DCDC1: variants seen among roughly 807,000 people sequenced by gnomAD.
The protein encoded by DCDC1 is doublecortin domain containing 1, also known as doublecortin domain-containing protein 1.
A neutral mutation model predicts 178.3 loss-of-function variants in DCDC1; 200 were observed. That is an observed-to-expected ratio of 1.12 (90% CI 1.00 to 1.26). DCDC1 has a LOEUF of 1.26. Among genes scored for constraint, DCDC1 ranks in the 50% most tolerant of loss-of-function variants. The pLI is 0.00. For synonymous variants in DCDC1, 690 were observed against 604.8 expected (o/e 1.14, Z -2.07); for missense variants, 1,983 against 1,749.2 (o/e 1.13, Z -2.38).
chr11:31,002,697 C>G (rs1275466709), intron 20 of DCDC1, among the ~76,000 whole-genome samples: 1 of 152,094 alleles, frequency 6.6e-6, no homozygotes, highest in Non-Finnish European at 1.5e-5. Context: ...TGCTAAAGAC[C>G]TGTGAATCAA....
At chr11:31,208,634 C>T (rs1023175112) in intron 9 of DCDC1, among the ~76,000 whole-genome samples, 3 of 152,264 alleles carry the variant, frequency 2.0e-5, no homozygotes, top group East Asian at 1.9e-4. Context: ...CCTTACCATG[C>T]TCCACAAAGC....
At chr11:31,110,858 C>A (rs1959156035) in intron 11 of DCDC1, among the ~76,000 whole-genome samples, 1 of 152,100 alleles carries the variant, frequency 6.6e-6, no homozygotes, top group Admixed American at 6.5e-5. Flanking sequence ...GGAAATTTAA[C>A]CTGACAGATT....
At chr11:31,271,987 C>T (rs942596525) in intron 7 of DCDC1, among the ~76,000 whole-genome samples, 3 of 152,108 alleles carry the variant, frequency 2.0e-5, no homozygotes, top group African/African-American at 7.2e-5. Context: ...ATGGTTGATT[C>T]CCCATCTCTA....
At chr11:30,882,312 T>C (rs911061781) in intron 36 of DCDC1, 1 of 152,176 alleles carries the variant, frequency 6.6e-6, no homozygotes, top group Non-Finnish European at 1.5e-5. Flanking sequence ...TCACCCAGTA[T>C]TTTGAGTAAG....
chr11:31,145,155 G>A (rs1964300706), intron 9 of DCDC1, among the ~76,000 whole-genome samples: 1 of 152,192 alleles, frequency 6.6e-6, no homozygotes, highest in Non-Finnish European at 1.5e-5. Flanking sequence ...AGCCCTTGAT[G>A]CTCAATGTAT....
At chr11:30,984,360 CA>C (rs1231080350) in intron 20 of DCDC1, among the ~76,000 whole-genome samples, 3 of 152,170 alleles carry the variant, frequency 2.0e-5, no homozygotes, top group Non-Finnish European at 2.9e-5. Context: ...TCTGTATTCT[CA>C]CTGCCTCACT....
chr11:31,302,823 T>A lies in DCDC1; in HGVS notation c.754+2792A>T, dbSNP rs971325644. Among the ~76,000 whole-genome samples the A allele has an allele frequency of 6.6e-5, 10 of 152,170 alleles. No homozygotes were observed. The East Asian group carries it at 1.9e-3, about 29-fold the overall frequency. ...ATAGGATTTTTTCTGTCTTAGTAAA[T>A]CTGGAAATCGTTCTTAGGCAATTTT... On this transcript the variant is annotated intron_variant, in intron 6 of 38. Coordinates refer to ENST00000684477, the MANE Select transcript of DCDC1 (RefSeq NM_001387274.1).
chr11:30,981,125 G>A (rs1950374143), intron 20 of DCDC1, among the ~76,000 whole-genome samples: 1 of 152,088 alleles, frequency 6.6e-6, no homozygotes, highest in South Asian at 2.1e-4. Flanking sequence ...ACTTGTAAGT[G>A]GGAGCTAAAC....
intron 17 of DCDC1, among the ~76,000 whole-genome samples, chr11:31,083,870 A>G (rs1303131833): frequency 2.6e-5 from 4 of 152,232 alleles, no homozygotes; most frequent in East Asian, 1.9e-4. Context: ...GATACCCTGC[A>G]TATCTGCAAT....
intron 9 of DCDC1, among the ~76,000 whole-genome samples, chr11:31,227,340 A>G (rs1288336335): frequency 1.3e-5 from 2 of 152,122 alleles, no homozygotes; most frequent in Non-Finnish European, 2.9e-5. Flanking sequence ...GAGGAGCAAG[A>G]GAGAAGGGGG....
intron 17 of DCDC1, among the ~76,000 whole-genome samples, chr11:31,087,439 C>A (rs1957546593): frequency 6.6e-6 from 1 of 151,912 alleles, no homozygotes. Context: ...AAGCTGAAGT[C>A]ATTGATTTAA....
intron 20 of DCDC1, among the ~76,000 whole-genome samples, chr11:31,057,574 A>T (rs1955665050): frequency 6.6e-6 from 1 of 152,152 alleles, no homozygotes; most frequent in Non-Finnish European, 1.5e-5. Context: ...CCTTAAATGT[A>T]CACATCATGA....
chr11:31,015,654 T>C (rs1222945062), intron 20 of DCDC1, among the ~76,000 whole-genome samples: 1 of 152,234 alleles, frequency 6.6e-6, no homozygotes, highest in African/African-American at 2.4e-5. Context: ...AAGGATTATT[T>C]CAAGGGTATG....
intron 3 of DCDC1, among the ~76,000 whole-genome samples, chr11:31,314,973 T>A (rs1948985034): frequency 1.3e-5 from 2 of 152,288 alleles, no homozygotes; most frequent in African/African-American, 4.8e-5. Context: ...CAATTTTTGC[T>A]TCACAAAGCA....
At chr11:30,983,100 G>T (rs567992695) in intron 20 of DCDC1, among the ~76,000 whole-genome samples, 8 of 151,968 alleles carry the variant, frequency 5.3e-5, no homozygotes, top group Non-Finnish European at 1.2e-4. Context: ...GAATAGATAA[G>T]AAAATGTCTT....
intron 1 of DCDC1, among the ~76,000 whole-genome samples, chr11:31,344,388 C>T (rs1229725549): frequency 6.6e-6 from 1 of 152,172 alleles, no homozygotes; most frequent in Non-Finnish European, 1.5e-5. Flanking sequence ...GATACCCCCA[C>T]CTAGGGTACC....
At chr11:31,109,622 A>G (rs1959072999) in intron 12 of DCDC1, among the ~76,000 whole-genome samples, 1 of 152,152 alleles carries the variant, frequency 6.6e-6, no homozygotes, top group Admixed American at 6.6e-5. Context: ...TGAAGGGAGA[A>G]AAAGGGAGCA....
chr11:31,111,495 T>C (rs895731573), intron 11 of DCDC1, among the ~76,000 whole-genome samples: 3 of 152,118 alleles, frequency 2.0e-5, no homozygotes, highest in Non-Finnish European at 4.4e-5. Context: ...CTACTGATAG[T>C]CCAGTCAAGA....
chr11:30,874,849 C>T (rs961624524), intron 38 of DCDC1, among the ~76,000 whole-genome samples: 4 of 152,164 alleles, frequency 2.6e-5, no homozygotes, highest in Non-Finnish European at 5.9e-5. Context: ...CCTGATAGGT[C>T]CAACAGCTCG....
Sources: allele counts gnomAD v4.1 joint callset (sites outside exome capture counted in the v4.1 genomes callset), GRCh38; gene constraint gnomAD v4.1.1; transcripts MANE v1.5; gene names NCBI Gene and HGNC (gene_info 2026-07-23, HGNC 2026-07-21).